MALT1: variants seen among roughly 807,000 people sequenced by gnomAD.
MALT1 encodes the protein MALT1 paracaspase.
A neutral mutation model predicts 85.5 loss-of-function variants in MALT1; 36 were observed. The ratio of observed to expected loss-of-function variants is 0.42; its 90% confidence interval spans 0.32 to 0.56. The LOEUF is 0.56. Among genes scored for constraint, MALT1 ranks in the 20% least tolerant of loss-of-function variants. MALT1 has a pLI of 0.10. For missense variants in MALT1, 716 were observed against 981.6 expected (o/e 0.73, Z 3.62); for synonymous variants, 359 against 361.3 (o/e 0.99, Z 0.07).
chr18:58,746,507 G>T (rs2055369095), intron 16 of MALT1, among the ~76,000 whole-genome samples: 2 of 152,136 alleles, frequency 1.3e-5, no homozygotes, highest in South Asian at 4.1e-4. Flanking sequence ...CATGACCATA[G>T]AATGTATCAG....
intron 10 of MALT1, among the ~76,000 whole-genome samples, chr18:58,727,070 T>C (rs1011685763): frequency 5.3e-5 from 8 of 152,218 alleles, no homozygotes; most frequent in African/African-American, 1.9e-4. Context: ...ATAAAATAAT[T>C]ATCCCTGTGC....
intron 10 of MALT1, among the ~76,000 whole-genome samples, chr18:58,724,502 A>G (rs1297532909): frequency 6.6e-6 from 1 of 152,190 alleles, no homozygotes; most frequent in African/African-American, 2.4e-5. Context: ...TACAATGCAA[A>G]TATGCCACCT....
intron 2 of MALT1, among the ~76,000 whole-genome samples, chr18:58,693,481 A>G (rs570863298): frequency 1.0e-3 from 154 of 152,322 alleles, no homozygotes; most frequent in Non-Finnish European, 1.7e-3. Flanking sequence ...TATAATAAAC[A>G]GATTTTTCAG....
At chr18:58,732,094 C>G (rs2055158915) in intron 10 of MALT1, among the ~76,000 whole-genome samples, 1 of 152,074 alleles carries the variant, frequency 6.6e-6, no homozygotes, top group Non-Finnish European at 1.5e-5. Context: ...GAGTCGGGGC[C>G]ATAATTACAA....
At chr18:58,744,041 A>AATTGAGGCATAT (rs150427949) in intron 14 of MALT1, among the ~76,000 whole-genome samples, 6 of 152,132 alleles carry the variant, frequency 3.9e-5, no homozygotes, top group East Asian at 1.9e-4. Flanking sequence ...TGCTTTATTA[A>AATTGAGGCATAT]AAATTCTGGT....
At chr18:58,694,507 G>T (rs983371710) in intron 2 of MALT1, among the ~76,000 whole-genome samples, 3 of 152,172 alleles carry the variant, frequency 2.0e-5, no homozygotes, top group Admixed American at 1.3e-4. Flanking sequence ...GTAGGTGCAG[G>T]AAATTAAGTT....
chr18:58,730,498 G>A (rs1568149602), intron 10 of MALT1, among the ~76,000 whole-genome samples: 2 of 152,134 alleles, frequency 1.3e-5, no homozygotes, highest in South Asian at 2.1e-4. Context: ...TTATTTTAGG[G>A]CTAGATAATA....
chr18:58,733,735 G>A (rs2055186616), intron 11 of MALT1, 161 bp downstream of exon 11: 1 of 742,616 alleles, frequency 1.3e-6, no homozygotes, highest in Non-Finnish European at 2.1e-6. Flanking sequence ...TTTACTCCAT[G>A]TATATCTAAT....
intron 15 of MALT1, among the ~76,000 whole-genome samples, chr18:58,744,805 A>G (rs761578056): frequency 1.3e-5 from 2 of 152,224 alleles, no homozygotes; most frequent in African/African-American, 2.4e-5. Context: ...CCTTTTAAAC[A>G]GTTATAACTT....
chr18:58,709,316 A>T, intron 4 of MALT1, 62 bp from the exon 5 acceptor site: 1 of 1,170,024 alleles, frequency 8.5e-7, no homozygotes, highest in Non-Finnish European at 1.2e-6. Flanking sequence ...CATCTCTTTA[A>T]TTATAGGGAA....
In MALT1 at chr18:58,748,061, A is replaced by C. The variant is rs2144496030; in HGVS notation, c.*219A>C. The C allele has an allele frequency of 1.9e-6, 1 of 534,528 alleles. No individual in the cohort carries two copies. The highest frequency in any genetic ancestry group is 3.2e-5 in the East Asian group (1 of 31,312). 33.1% of individuals were successfully genotyped at this position (534,528 alleles called of 1,614,324 possible). ...TTTTGTGAATTGGTTGAATAGTTCT[A>C]TACAAATGAAGTATGGAGGTGTGTA... is the stretch of plus-strand genomic sequence containing the variant. On this transcript the variant is annotated 3_prime_UTR_variant, in exon 17 of 17. Transcript: ENST00000649217.
Position 58,671,748 on chromosome 18 carries a change from G to A in MALT1, c.105G>A (p.Glu35=). 1 of 1,276,082 alleles carries A rather than the reference G, an allele frequency of 7.8e-7. No homozygotes were observed. Among genetic ancestry groups the A allele is most frequent in the Non-Finnish European group, 9.9e-7 (1 of 1,011,640 alleles). The allele number at this position is 1,276,082 out of a possible 1,614,324, so 79.0% of individuals were successfully genotyped here. The change falls in exon 1 of 17, where the codon GAG becomes GAA. Residue 35 remains glutamate (E), a synonymous_variant. Transcript: ENST00000649217. ...GCGCGACCCTCAACCGCCTGCGGGA[G>A]CCGCTGCTGCGGAGGCTCAGCGAGC... is the stretch of plus-strand genomic sequence containing the variant. ...PAGATLNRLR[E]PLLRRLSELL... is the part of the protein sequence containing the mutation.
In MALT1 at chr18:58,752,905, C is replaced by G. The variant is rs983479686; in HGVS notation, c.*5063C>G. 6.6e-6 allele frequency: 1 copy of G among 152,204 alleles called. No individual in the cohort carries two copies. The highest frequency in any genetic ancestry group is 1.5e-5 in the Non-Finnish European group (1 of 68,032). 9.4% of individuals were successfully genotyped at this position (152,204 alleles called of 1,614,324 possible). ...GGTAGCATTAAAAATACTTAAGCAT[C>G]AAAGTTTGGCTTTATGAAGAAGGAG... On this transcript the variant is annotated 3_prime_UTR_variant, in exon 17 of 17. Coordinates refer to ENST00000649217, the MANE Select transcript of MALT1 (RefSeq NM_006785.4).
intron 15 of MALT1, 96 bp downstream of exon 15, chr18:58,744,591 A>C (rs2055342801): frequency 3.7e-6 from 2 of 535,974 alleles, no homozygotes; most frequent in Non-Finnish European, 6.2e-6. Flanking sequence ...ATATAAAGGA[A>C]ATATATATAT....
At chr18:58,684,698 G>A (rs549035851) in intron 2 of MALT1, among the ~76,000 whole-genome samples, 24 of 151,908 alleles carry the variant, frequency 1.6e-4, no homozygotes, top group Non-Finnish European at 2.4e-4. Flanking sequence ...CACCCACCTC[G>A]GCCTCCCAAA....
intron 10 of MALT1, among the ~76,000 whole-genome samples, chr18:58,732,520 C>T (rs2055164924): frequency 6.6e-6 from 1 of 152,166 alleles, no homozygotes; most frequent in Non-Finnish European, 1.5e-5. Flanking sequence ...TTTCCCATCT[C>T]TGATTATAAA....
chr18:58,751,896 AT>A lies in MALT1; in HGVS notation c.*4056del, dbSNP rs2055451583. On this transcript the variant is annotated 3_prime_UTR_variant, in exon 17 of 17. Transcript: ENST00000649217. ...TGGGACAATTTGAATTTAAAACACT[AT>A]TGTTCCTCATTCAGTGATGAACAAG... The A allele has an allele frequency of 6.6e-6, 1 of 152,226 alleles. No individual in the cohort carries two copies. Among genetic ancestry groups the A allele is most frequent in the South Asian group, 2.1e-4 (1 of 4,828 alleles). The allele number at this position is 152,226 out of a possible 1,614,324, so 9.4% of individuals were successfully genotyped here.
Position 58,750,654 on chromosome 18 carries a change from G to A in MALT1, c.*2812G>A, listed in dbSNP as rs892764720. 9.2e-5 allele frequency: 14 copies of A among 152,114 alleles called. No homozygotes were observed. The highest frequency in any genetic ancestry group is 2.9e-4 in the African/African-American group (12 of 41,418). 9.4% of individuals were successfully genotyped at this position (152,114 alleles called of 1,614,324 possible). On this transcript the variant is annotated 3_prime_UTR_variant, in exon 17 of 17. Coordinates refer to ENST00000649217, the MANE Select transcript of MALT1 (RefSeq NM_006785.4). ...AGAAGGAGTGGTCTTTTCAACAAAC[G>A]GTGCTGGGACAACTAACTGGTAGCT...
At position 58,674,733 on chromosome 18, in the gene MALT1, C is replaced by T. The variant is rs145206750; in HGVS notation, c.209+2881C>T. Among the ~76,000 whole-genome samples, 176 of 152,256 alleles carry T rather than the reference C, an allele frequency of 1.2e-3. 2 individuals are homozygous for T. Among genetic ancestry groups the T allele is most frequent in the African/African-American group, 3.8e-3 (158 of 41,552 alleles). On this transcript the variant is annotated intron_variant, in intron 1 of 16. Coordinates refer to ENST00000649217, the MANE Select transcript of MALT1 (RefSeq NM_006785.4). ...GGTATTTTTTCTCTGGTGCCAAAGA[C>T]AGGAATTATAGTGTGAGTGTCTAGT...
Sources: allele counts gnomAD v4.1 joint callset (sites outside exome capture counted in the v4.1 genomes callset), GRCh38; gene constraint gnomAD v4.1.1; transcripts MANE v1.5; gene names NCBI Gene and HGNC (gene_info 2026-07-23, HGNC 2026-07-21).